CDH13: variants seen among roughly 807,000 people sequenced by gnomAD.
CDH13 encodes cadherin 13.
CDH13 carries 24 observed loss-of-function variants against 63.8 expected under a neutral mutation model. The observed-to-expected ratio is 0.38, with a 90% CI of 0.27 to 0.53. The LOEUF is 0.53. Among genes scored for constraint, CDH13 ranks in the 20% least tolerant of loss-of-function variants. The probability of loss-of-function intolerance (pLI) is 0.85; values close to 1 mark genes in which losing one functional copy is unlikely to be tolerated. For synonymous variants in CDH13, 503 were observed against 355.3 expected (o/e 1.42, Z -4.67); for missense variants, 1,049 against 903.1 (o/e 1.16, Z -2.07).
chr16:82,683,905 C>G (rs1476061775), intron 1 of CDH13, among the ~76,000 whole-genome samples: 2 of 152,182 alleles, frequency 1.3e-5, no homozygotes, highest in Admixed American at 6.5e-5. Flanking sequence ...AAATTGTGCG[C>G]TTTTTATTCT....
chr16:83,466,973 T>G (rs1200643321), intron 6 of CDH13, among the ~76,000 whole-genome samples: 2 of 152,198 alleles, frequency 1.3e-5, no homozygotes, highest in Middle Eastern at 3.2e-3. Flanking sequence ...TCTCTCCTCC[T>G]GATAGTCTCT....
intron 6 of CDH13, among the ~76,000 whole-genome samples, chr16:83,416,912 G>A (rs1300447078): frequency 6.6e-6 from 1 of 152,138 alleles, no homozygotes; most frequent in Admixed American, 6.5e-5. Context: ...TAAAAAAAAT[G>A]TGCAAAGTCT....
intron 3 of CDH13, among the ~76,000 whole-genome samples, chr16:83,076,095 A>G (rs777787684): frequency 6.6e-6 from 1 of 152,214 alleles, no homozygotes; most frequent in African/African-American, 2.4e-5. Flanking sequence ...CCTGATGAAC[A>G]TAAAATTGGA....
chr16:82,878,569 G>T (rs941711593), intron 2 of CDH13, among the ~76,000 whole-genome samples: 1 of 150,268 alleles, frequency 6.7e-6, no homozygotes, highest in Non-Finnish European at 1.5e-5. Context: ...ATTTATTCCA[G>T]AACCCCTTCT....
intron 7 of CDH13, among the ~76,000 whole-genome samples, chr16:83,556,485 A>G (rs896234719): frequency 1.3e-5 from 2 of 152,196 alleles, no homozygotes; most frequent in African/African-American, 4.8e-5. Context: ...AGCCAAGTAA[A>G]GCCAAAGTTG....
chr16:82,944,686 G>A (rs1904497927), intron 2 of CDH13, among the ~76,000 whole-genome samples: 1 of 152,064 alleles, frequency 6.6e-6, no homozygotes. Context: ...GAGAAACCCT[G>A]GGTACCTGCC....
chr16:82,707,049 A>T (rs2031549461), intron 1 of CDH13, among the ~76,000 whole-genome samples: 1 of 152,214 alleles, frequency 6.6e-6, no homozygotes. Context: ...AGATTGGAGG[A>T]CAAGGCGTGG....
rs745402921 is a variant in CDH13 at position 82,647,786 on chromosome 16, G to T, written c.45+20649G>T. On this transcript the variant is annotated intron_variant, in intron 1 of 13. Transcript: ENST00000567109. ...AAGCCAGAAGAGACAGGAGCTTGGG[G>T]TTGGGTGGTGAGCTGTCTGTCAGTG... is the stretch of plus-strand genomic sequence containing the variant. 3.9e-5 allele frequency among the ~76,000 whole-genome samples: 6 copies of T among 152,198 alleles called. No individual in the cohort carries two copies. In the East Asian group the frequency reaches 7.7e-4, roughly 20 times the overall value.
chr16:82,974,432 T>C (rs1203477393), intron 2 of CDH13, among the ~76,000 whole-genome samples: 1 of 152,096 alleles, frequency 6.6e-6, no homozygotes, highest in African/African-American at 2.4e-5. Context: ...TGCAGATGGG[T>C]GTAAAAGGTT....
intron 1 of CDH13, among the ~76,000 whole-genome samples, chr16:82,787,778 C>G (rs150389663): frequency 7.3e-6 from 1 of 136,556 alleles, no homozygotes; most frequent in Non-Finnish European, 1.6e-5. Context: ...TTTGTTTTTT[C>G]TCTAGAAAAG....
At chr16:83,170,138 C>A (rs1182371158) in intron 4 of CDH13, among the ~76,000 whole-genome samples, 1 of 152,024 alleles carries the variant, frequency 6.6e-6, no homozygotes, top group Non-Finnish European at 1.5e-5. Flanking sequence ...TTAAATTTTG[C>A]AAAAATGCCA....
chr16:83,562,457 C>T (rs2075725942), intron 7 of CDH13, among the ~76,000 whole-genome samples: 1 of 152,214 alleles, frequency 6.6e-6, no homozygotes, highest in Non-Finnish European at 1.5e-5. Context: ...CACTGGGTTA[C>T]ATTTGGATTC....
intron 2 of CDH13, among the ~76,000 whole-genome samples, chr16:82,928,690 T>G (rs932135368): frequency 6.6e-6 from 1 of 152,200 alleles, no homozygotes; most frequent in African/African-American, 2.4e-5. Flanking sequence ...TTTCAGTAAT[T>G]TACAGATTTG....
intron 6 of CDH13, among the ~76,000 whole-genome samples, chr16:83,391,347 A>G (rs1349043465): frequency 6.6e-6 from 1 of 151,956 alleles, no homozygotes; most frequent in African/African-American, 2.4e-5. Flanking sequence ...CTGGGATTAC[A>G]GGTGCCTACC....
At chr16:83,012,405 TATAAA>T (rs1914257464) in intron 2 of CDH13, among the ~76,000 whole-genome samples, 1 of 146,630 alleles carries the variant, frequency 6.8e-6, no homozygotes, top group Non-Finnish European at 1.5e-5. Context: ...CCAAGGAAAA[TATAAA>T]ATAAAATCGC....
intron 5 of CDH13, among the ~76,000 whole-genome samples, chr16:83,231,288 C>G (rs1015888580): frequency 6.6e-6 from 1 of 152,170 alleles, no homozygotes; most frequent in Admixed American, 6.5e-5. Context: ...TGCCTTCCTA[C>G]TGAAGGTCAG....
At chr16:83,127,328 T>C (rs1012159640) in intron 4 of CDH13, among the ~76,000 whole-genome samples, 1 of 152,104 alleles carries the variant, frequency 6.6e-6, no homozygotes, top group Non-Finnish European at 1.5e-5. Context: ...CTGGCTGCCT[T>C]GTAGAGAATG....
At chr16:83,245,676 A>G (rs549667985) in intron 5 of CDH13, among the ~76,000 whole-genome samples, 1 of 152,226 alleles carries the variant, frequency 6.6e-6, no homozygotes, top group African/African-American at 2.4e-5. Context: ...TTAAGCTTTG[A>G]AAAGTAATTT....
At chr16:83,236,354 G>C (rs1178229910) in intron 5 of CDH13, among the ~76,000 whole-genome samples, 3 of 151,970 alleles carry the variant, frequency 2.0e-5, no homozygotes, top group Non-Finnish European at 2.9e-5. Context: ...ACATAGTAAA[G>C]ATATTTTGAA....
Sources: gnomAD v4.1 joint callset for allele counts (sites outside exome capture counted in the v4.1 genomes callset) on GRCh38, gnomAD v4.1.1 for gene constraint, MANE v1.5 for transcripts, NCBI Gene and HGNC (gene_info 2026-07-23, HGNC 2026-07-21) for gene names.